The following AKAP9 variants were observed in gnomAD, a reference collection of about 807,000 sequenced individuals.
AKAP9 encodes the protein A-kinase anchor protein 9.
A neutral mutation model predicts 488.5 loss-of-function variants in AKAP9; 311 were observed. The ratio of observed to expected loss-of-function variants is 0.64; its 90% CI spans 0.58 to 0.70. The LOEUF is 0.70. Ranked by LOEUF, AKAP9 falls within the 30% of genes least tolerant of loss-of-function variation. AKAP9 has a pLI of 0.00. For synonymous variants in AKAP9, 1,462 were observed against 1,483.5 expected, an observed-to-expected ratio of 0.99 and a Z score of 0.33; for missense variants, 4,215 against 4,374.5, an observed-to-expected ratio of 0.96 and a Z score of 1.03.
At chr7:92,101,077 A>G in intron 45 of AKAP9, 21 bp downstream of exon 45, 1 of 1,607,940 alleles carries the variant, frequency 6.2e-7, no homozygotes, top group South Asian at 1.1e-5. Context: ...TCTCCCATCT[A>G]AACATCACAG....
At position 92,080,178 on chromosome 7, in the gene AKAP9, A is replaced by T. The variant is rs539753114; in HGVS notation, c.8019+26A>T. The T allele has an allele frequency of 1.2e-4, 173 of 1,503,410 alleles. 3 individuals are homozygous for T. The South Asian group carries it at 2.1e-3, about 18-fold the overall frequency. 93.1% of individuals were successfully genotyped at this position (1,503,410 alleles called of 1,614,324 possible). A position where few individuals can be genotyped will look rare whatever the true frequency, so the allele number is the denominator to read the frequency against. ...GTTAGTTTTGTATTTTATTAGTTTC[A>T]TTTAAATACCCCAAGAAACTAAGCT... On this transcript the variant is annotated intron_variant, in intron 31 of 49. Coordinates refer to ENST00000356239, the MANE Select transcript of AKAP9 (RefSeq NM_005751.5).
At chr7:91,984,469 G>T (rs893768109) in intron 3 of AKAP9, among the ~76,000 whole-genome samples, 59 of 152,152 alleles carry the variant, frequency 3.9e-4, no homozygotes, top group African/African-American at 1.4e-3. Flanking sequence ...TGAGGCCTGT[G>T]TTCTGTTCCA....
intron 8 of AKAP9, among the ~76,000 whole-genome samples, chr7:92,009,306 G>C (rs2961023): frequency 0.25 from 38,306 of 151,976 alleles, 5,081 homozygotes; most frequent in Non-Finnish European, 0.31. Flanking sequence ...ATACCAAAGA[G>C]ATTCATAAAA....
At chr7:92,043,602 G>A (rs1159498640) in intron 20 of AKAP9, among the ~76,000 whole-genome samples, 1 of 151,870 alleles carries the variant, frequency 6.6e-6, no homozygotes, top group East Asian at 1.9e-4. Context: ...GGGGTTTGGG[G>A]CTTAAACAAA....
chr7:92,075,889 CCT>C (rs1489357785), intron 28 of AKAP9, among the ~76,000 whole-genome samples: 2 of 152,092 alleles, frequency 1.3e-5, no homozygotes, highest in Admixed American at 6.5e-5. Context: ...TCAGCGATTC[CCT>C]CTTTCAGTTT....
chr7:91,950,521 C>T (rs997183070), intron 1 of AKAP9, among the ~76,000 whole-genome samples: 2 of 152,102 alleles, frequency 1.3e-5, no homozygotes, highest in African/African-American at 2.4e-5. Context: ...TGAGCCACAA[C>T]GTCCAGGCTA....
intron 13 of AKAP9, 117 bp from the exon 14 acceptor site, chr7:92,022,697 C>A: frequency 1.4e-6 from 1 of 708,324 alleles, no homozygotes; most frequent in Non-Finnish European, 2.3e-6. Flanking sequence ...AGAGTTATTA[C>A]CACTAAAAAC....
chr7:91,994,345 A>G (rs1798132792), intron 5 of AKAP9, among the ~76,000 whole-genome samples: 1 of 152,140 alleles, frequency 6.6e-6, no homozygotes, highest in Non-Finnish European at 1.5e-5. Context: ...GTTGCCTGGG[A>G]ACAGATTAGG....
chr7:92,028,295 T>A (rs1584210771), intron 14 of AKAP9, among the ~76,000 whole-genome samples: 2 of 65,082 alleles, frequency 3.1e-5, no homozygotes, highest in Non-Finnish European at 5.3e-5. Context: ...CAATAAATAC[T>A]AAAAAAAAAA....
Position 91,973,256 on chromosome 7 carries a change from C to T in AKAP9, c.49-455C>T, listed in dbSNP as rs1795299336. On this transcript the variant is annotated intron_variant, in intron 1 of 49. Coordinates refer to ENST00000356239, the MANE Select transcript of AKAP9 (RefSeq NM_005751.5). ...AATTAGCCAGGTGTGATGACATGTT[C>T]CTGTAGTCCCAGCTACTTGGGGGCT... 5.3e-5 allele frequency among the ~76,000 whole-genome samples: 8 copies of T among 152,188 alleles called. No individual in the cohort carries two copies. In the South Asian group the frequency reaches 1.5e-3, roughly 28 times the overall value.
intron 7 of AKAP9, 121 bp downstream of exon 7, chr7:91,995,921 T>C (rs1584764764): frequency 2.8e-6 from 2 of 725,980 alleles, no homozygotes; most frequent in Non-Finnish European, 4.5e-6. Flanking sequence ...AAGCTCTTTG[T>C]GTAATTTATT....
chr7:91,956,273 G>A (rs1169581017), intron 1 of AKAP9, among the ~76,000 whole-genome samples: 19 of 151,776 alleles, frequency 1.3e-4, no homozygotes, highest in Non-Finnish European at 2.5e-4. Flanking sequence ...GGTGGCAGGC[G>A]CCTGTGGTCC....
chr7:91,949,223 G>C (rs908781405), intron 1 of AKAP9, among the ~76,000 whole-genome samples: 3 of 152,078 alleles, frequency 2.0e-5, no homozygotes, highest in African/African-American at 7.2e-5. Context: ...GCACCAGAGA[G>C]GAATGGGTAG....
intron 1 of AKAP9, among the ~76,000 whole-genome samples, chr7:91,971,690 C>T (rs1248714473): frequency 6.6e-6 from 1 of 150,476 alleles, no homozygotes; most frequent in African/African-American, 2.4e-5. Flanking sequence ...GCCTCAGCCT[C>T]CCGAATAGCT....
chr7:92,044,640 A>G (rs1806661690), intron 20 of AKAP9, among the ~76,000 whole-genome samples: 2 of 152,230 alleles, frequency 1.3e-5, no homozygotes, highest in Admixed American at 1.3e-4. Flanking sequence ...AATAACTTGC[A>G]TATGCTTTGG....
chr7:92,041,749 A>G, intron 18 of AKAP9: 1 of 291,372 alleles, frequency 3.4e-6, no homozygotes, highest in Non-Finnish European at 6.5e-6. Context: ...GGAAAAATTA[A>G]CTTTGCTTTT....
Position 92,102,794 on chromosome 7 carries a change from G to T in AKAP9, c.11298G>T (p.Arg3766=), listed in dbSNP as rs775989174. 1 of 1,614,090 alleles carries T rather than the reference G, an allele frequency of 6.2e-7. No homozygotes were observed. Among genetic ancestry groups the T allele is most frequent in the South Asian group, 1.1e-5 (1 of 91,090 alleles). The change falls in exon 46 of 50, where the codon CGG becomes CGT. Residue 3766 remains arginine, a synonymous_variant. Coordinates refer to ENST00000356239, the MANE Select transcript of AKAP9 (RefSeq NM_005751.5). ...GCCCAAAGGGCTTCACCAGGTTTCGGTCGGCCGTCAGAGTATCCATTGCAA... is the reference window on the plus strand; with the variant it reads ...GCCCAAAGGGCTTCACCAGGTTTCGTTCGGCCGTCAGAGTATCCATTGCAA... The part of the protein sequence containing the change: ...TNRPKGFTRF[R]SAVRVSIAIS...
Position 92,062,508 on chromosome 7 carries a change from A to G in AKAP9, c.5977+22A>G, listed in dbSNP as rs372490113. ...CAACGTAAGTATTTTCAGAATTTGT[A>G]TGAAACAGTCCTCTGATTTTATTTG... On this transcript the variant is annotated intron_variant, in intron 24 of 49. Coordinates refer to ENST00000356239, the MANE Select transcript of AKAP9 (RefSeq NM_005751.5). The G allele has an allele frequency of 1.4e-5, 22 of 1,596,206 alleles. No individual in the cohort carries two copies. The African/African-American group carries it at 2.3e-4, about 17-fold the overall frequency.
intron 24 of AKAP9, 126 bp from the exon 25 acceptor site, chr7:92,065,105 T>G: frequency 1.8e-6 from 1 of 550,008 alleles, no homozygotes; most frequent in South Asian, 2.8e-5. Flanking sequence ...ATATTTACTT[T>G]CATGTGTATT....
Sources: allele counts gnomAD v4.1 joint callset (sites outside exome capture counted in the v4.1 genomes callset), GRCh38; gene constraint gnomAD v4.1.1; transcripts MANE v1.5; gene names NCBI Gene and HGNC (gene_info 2026-07-23, HGNC 2026-07-21).